The following AATF variants were observed in gnomAD, a reference collection of about 807,000 sequenced individuals.
The protein encoded by AATF is protein AATF.
In AATF, 48 loss-of-function variants were observed where a neutral mutation model predicts 63.7. The ratio of observed to expected loss-of-function variants is 0.75; its 90% CI spans 0.60 to 0.96. The LOEUF (loss-of-function observed/expected upper bound fraction) is 0.96, where lower values mean the gene tolerates loss of function less well. Among genes scored for constraint, AATF ranks in the 40% least tolerant of loss-of-function variants. The probability of loss-of-function intolerance (pLI) is 0.00; values close to 1 mark genes in which losing one functional copy is unlikely to be tolerated. For missense variants in AATF, 639 were observed against 685.7 expected (o/e 0.93, Z 0.76); for synonymous variants, 258 against 247.7 (o/e 1.04, Z -0.39).
intron 2 of AATF, among the ~76,000 whole-genome samples, chr17:36,951,200 T>C (rs1033270857): frequency 6.6e-6 from 1 of 152,232 alleles, no homozygotes; most frequent in Non-Finnish European, 1.5e-5. Flanking sequence ...GGGTGTCATG[T>C]TGAGAATCCA....
At chr17:37,007,061 A>G (rs565436853) in intron 8 of AATF, among the ~76,000 whole-genome samples, 1 of 152,334 alleles carries the variant, frequency 6.6e-6, no homozygotes, top group African/African-American at 2.4e-5. Flanking sequence ...CCTTATTTGC[A>G]TAACCTGATT....
At chr17:36,951,937 A>G (rs2070858502) in intron 2 of AATF, among the ~76,000 whole-genome samples, 1 of 152,228 alleles carries the variant, frequency 6.6e-6, no homozygotes, top group Admixed American at 6.5e-5. Context: ...CTTGAAACAC[A>G]TGGGGCTTTT....
intron 2 of AATF, among the ~76,000 whole-genome samples, chr17:36,950,879 G>T (rs1169841073): frequency 6.6e-6 from 1 of 152,230 alleles, no homozygotes; most frequent in Non-Finnish European, 1.5e-5. Context: ...AGAGAAGGCA[G>T]TGCATTTTGG....
intron 4 of AATF, among the ~76,000 whole-genome samples, chr17:36,963,208 G>C (rs1269407113): frequency 3.3e-5 from 5 of 152,184 alleles, no homozygotes; most frequent in Non-Finnish European, 7.3e-5. Flanking sequence ...TGAGCGTAGG[G>C]TATGCATGAG....
At chr17:36,970,532 TTCTTTTTTC>T (rs1314034146) in intron 4 of AATF, among the ~76,000 whole-genome samples, 39 of 137,258 alleles carry the variant, frequency 2.8e-4, no homozygotes, top group African/African-American at 9.6e-4. Context: ...GTTTCTTTCT[TTCTTTTTTC>T]TTTTTTTTTT....
At chr17:36,949,922 C>G (rs78650714) in intron 1 of AATF, among the ~76,000 whole-genome samples, 1,974 of 152,336 alleles carry the variant, frequency 0.013, 35 homozygotes, top group African/African-American at 0.045. Context: ...AACGTGATGA[C>G]TGATTTAAGA....
chr17:37,006,279 G>C (rs1315701343), intron 8 of AATF, among the ~76,000 whole-genome samples: 1 of 152,176 alleles, frequency 6.6e-6, no homozygotes, highest in Non-Finnish European at 1.5e-5. Context: ...AGACCAGCCT[G>C]ACCAACATGG....
At chr17:37,052,982 G>A (rs1363744809) in intron 11 of AATF, among the ~76,000 whole-genome samples, 6 of 152,158 alleles carry the variant, frequency 3.9e-5, no homozygotes, top group African/African-American at 1.4e-4. Context: ...GTCACTGTGC[G>A]ATTTTTTGTG....
intron 4 of AATF, among the ~76,000 whole-genome samples, chr17:36,975,896 T>C (rs994893193): frequency 1.2e-4 from 18 of 152,240 alleles, no homozygotes; most frequent in African/African-American, 4.3e-4. Flanking sequence ...CTAAGCATCT[T>C]CTCTGATGTA....
chr17:37,032,032 CTAGTG>C (rs1390642873), intron 11 of AATF, among the ~76,000 whole-genome samples: 2 of 152,048 alleles, frequency 1.3e-5, no homozygotes, highest in African/African-American at 4.8e-5. Context: ...GAAAGTGGCT[CTAGTG>C]AGTGCTCTGG....
chr17:36,984,806 T>TA (rs1271526135), intron 4 of AATF, among the ~76,000 whole-genome samples: 2 of 151,740 alleles, frequency 1.3e-5, no homozygotes, highest in African/African-American at 4.8e-5. Flanking sequence ...GGCTAGTTTT[T>TA]AAAAAAAATT....
At chr17:36,956,714 C>T (rs548544263) in intron 4 of AATF, among the ~76,000 whole-genome samples, 57 of 152,092 alleles carry the variant, frequency 3.7e-4, no homozygotes, top group Non-Finnish European at 7.4e-4. Context: ...CGGTGGCTCC[C>T]GCTTATAATC....
Position 37,015,617 on chromosome 17 carries a change from A to G in AATF, c.1399-3388A>G, listed in dbSNP as rs574449609. On this transcript the variant is annotated intron_variant, in intron 8 of 11. Transcript: ENST00000619387. ...AGGCCATTCCTTCCAATACTGTTGCATTGGGGATTAAGTGTTCAACATACG... is the reference window on the plus strand; with the variant it reads ...AGGCCATTCCTTCCAATACTGTTGCGTTGGGGATTAAGTGTTCAACATACG... Among the ~76,000 whole-genome samples, 28 of 152,290 alleles carry G rather than the reference A, an allele frequency of 1.8e-4. No individual in the cohort carries two copies. The East Asian group carries it at 4.1e-3, about 22-fold the overall frequency.
intron 4 of AATF, among the ~76,000 whole-genome samples, chr17:36,985,793 C>G (rs2071164322): frequency 6.6e-6 from 1 of 152,054 alleles, no homozygotes; most frequent in Admixed American, 6.6e-5. Context: ...TTGTGATCCA[C>G]CCGTCTCGGC....
chr17:36,980,934 A>G (rs1693790797), intron 4 of AATF, among the ~76,000 whole-genome samples: 1 of 147,510 alleles, frequency 6.8e-6, no homozygotes. Context: ...AGAAGTACAG[A>G]TTTGCAGATT....
intron 5 of AATF, among the ~76,000 whole-genome samples, chr17:36,987,900 A>G (rs1280153466): frequency 6.6e-6 from 1 of 152,262 alleles, no homozygotes; most frequent in African/African-American, 2.4e-5. Context: ...ACTGTCCTAT[A>G]ATACTGCAGG....
intron 4 of AATF, among the ~76,000 whole-genome samples, chr17:36,964,751 GC>G (rs924014651): frequency 4.5e-4 from 57 of 128,018 alleles, no homozygotes; most frequent in Non-Finnish European, 8.9e-4. Flanking sequence ...TTTCCCTTTT[GC>G]CCCCCTCCCC....
chr17:36,977,088 AGTAT>A (rs2071085335), intron 4 of AATF, among the ~76,000 whole-genome samples: 1 of 152,236 alleles, frequency 6.6e-6, no homozygotes, highest in Admixed American at 6.5e-5. Flanking sequence ...AAAGTTAGGA[AGTAT>A]GTAGTCTACA....
At chr17:36,954,887 G>A (rs2070886920) in intron 4 of AATF, among the ~76,000 whole-genome samples, 1 of 152,154 alleles carries the variant, frequency 6.6e-6, no homozygotes, top group African/African-American at 2.4e-5. Flanking sequence ...GAGATTTAGG[G>A]TGAGTGTGCT....
Sources: allele counts gnomAD v4.1 joint callset (sites outside exome capture counted in the v4.1 genomes callset), GRCh38; gene constraint gnomAD v4.1.1; transcripts MANE v1.5; gene names NCBI Gene and HGNC (gene_info 2026-07-23, HGNC 2026-07-21).